XKR9: variants seen among roughly 807,000 people sequenced by gnomAD.
The protein encoded by XKR9 is XK related 9.
XKR9 carries 32 observed loss-of-function variants against 32.0 expected under a neutral mutation model. The ratio of observed to expected loss-of-function variants is 1.00; its 90% CI spans 0.76 to 1.34. XKR9 has a LOEUF of 1.34. Ranked by LOEUF, XKR9 falls within the 40% of genes most tolerant of loss-of-function variation. The pLI is 0.00. For synonymous variants in XKR9, 168 were observed against 143.4 expected (o/e 1.17, Z -1.22); for missense variants, 546 against 429.7 (o/e 1.27, Z -2.39).
At chr8:70,751,432 GAT>G (rs1406946863) in intron 2 of XKR9, among the ~76,000 whole-genome samples, 1 of 152,072 alleles carries the variant, frequency 6.6e-6, no homozygotes, top group Admixed American at 6.6e-5. Flanking sequence ...CCCGGCCTGT[GAT>G]AATTTTAGGT....
At chr8:70,684,327 A>C (rs1232440810) in intron 3 of XKR9, among the ~76,000 whole-genome samples, 1 of 152,156 alleles carries the variant, frequency 6.6e-6, no homozygotes, top group African/African-American at 2.4e-5. Flanking sequence ...ATAACTATTA[A>C]ATGTTAGATT....
chr8:70,798,851 T>C, the XKR9 span, among the ~76,000 whole-genome samples: 1 of 152,204 alleles, frequency 6.6e-6, no homozygotes, highest in African/African-American at 2.4e-5. Context: ...GAATATAAGA[T>C]GGTTGTTGAG....
At chr8:70,948,313 T>C in the XKR9 span, among the ~76,000 whole-genome samples, 1 of 152,242 alleles carries the variant, frequency 6.6e-6, no homozygotes, top group African/African-American at 2.4e-5. Flanking sequence ...AGCTTTGACT[T>C]ATTTCATGTG....
chr8:70,986,661 T>C, the XKR9 span, among the ~76,000 whole-genome samples: 2 of 152,218 alleles, frequency 1.3e-5, no homozygotes, highest in Non-Finnish European at 2.9e-5. Flanking sequence ...CAGAGGAACA[T>C]AGACCATGCA....
rs1818725603 is a variant in XKR9 at position 70,671,811 on chromosome 8, T to C, written c.-361+2273T>C. On this transcript the variant is annotated intron_variant, in intron 1 of 4. Coordinates refer to ENST00000408926, the MANE Select transcript of XKR9 (RefSeq NM_001011720.2). ...ATAAACATACGTGTGATTGTTTATC[T>C]AGAAAACCCCATCGTCTCAGCCCAA... 1.8e-5 allele frequency among the ~76,000 whole-genome samples: 2 copies of C among 113,636 alleles called. 1 individual carries two copies. Among genetic ancestry groups the C allele is most frequent in the African/African-American group, 5.7e-5 (2 of 35,110 alleles). 74.5% of individuals were successfully genotyped at this position (113,636 alleles called of 152,430 possible).
the XKR9 span, among the ~76,000 whole-genome samples, chr8:70,927,550 C>T: frequency 1.3e-5 from 2 of 152,120 alleles, no homozygotes; most frequent in African/African-American, 4.8e-5. Flanking sequence ...AAGATGGCGT[C>T]TTTTTGCAGT....
the XKR9 span, among the ~76,000 whole-genome samples, chr8:70,833,539 T>C: frequency 6.6e-6 from 1 of 152,164 alleles, no homozygotes; most frequent in East Asian, 1.9e-4. Context: ...AAATGTGATG[T>C]GCCTTGTAGA....
chr8:71,024,443 C>T, the XKR9 span, among the ~76,000 whole-genome samples: 3 of 152,094 alleles, frequency 2.0e-5, no homozygotes, highest in African/African-American at 7.2e-5. Context: ...GTCATTGGGG[C>T]TTCAAGGATA....
chr8:70,831,871 C>A, the XKR9 span, among the ~76,000 whole-genome samples: 8 of 152,166 alleles, frequency 5.3e-5, no homozygotes, highest in African/African-American at 1.9e-4. Context: ...GGAACCTATG[C>A]ATTTTCCTGC....
the XKR9 span, among the ~76,000 whole-genome samples, chr8:71,057,691 G>A: frequency 6.6e-6 from 1 of 152,146 alleles, no homozygotes; most frequent in African/African-American, 2.4e-5. Flanking sequence ...ATTGTTCCTG[G>A]AAATGGAATT....
At chr8:70,754,807 A>T (rs571755878) in intron 2 of XKR9, among the ~76,000 whole-genome samples, 90 of 152,100 alleles carry the variant, frequency 5.9e-4, no homozygotes, top group African/African-American at 1.9e-3. Context: ...AACCATAAAA[A>T]CCCTAGAAGA....
the XKR9 span, among the ~76,000 whole-genome samples, chr8:70,964,420 T>C: frequency 1.3e-5 from 2 of 152,318 alleles, no homozygotes; most frequent in African/African-American, 4.8e-5. Flanking sequence ...GCTTTGTTCT[T>C]TTTGCTTAGG....
the XKR9 span, among the ~76,000 whole-genome samples, chr8:70,963,110 C>T: frequency 6.6e-6 from 1 of 152,096 alleles, no homozygotes; most frequent in Non-Finnish European, 1.5e-5. Flanking sequence ...CCTTATGCTC[C>T]CCCTTCCCCC....
chr8:70,713,189 G>A (rs976840282), intron 4 of XKR9, among the ~76,000 whole-genome samples: 1 of 152,112 alleles, frequency 6.6e-6, no homozygotes, highest in Non-Finnish European at 1.5e-5. Flanking sequence ...GAATTAAATA[G>A]ACAATGAATG....
the XKR9 span, among the ~76,000 whole-genome samples, chr8:70,814,202 C>A: frequency 6.6e-6 from 1 of 151,956 alleles, no homozygotes; most frequent in Non-Finnish European, 1.5e-5. Flanking sequence ...GACAAAAAAC[C>A]AAACACCGCA....
the XKR9 span, among the ~76,000 whole-genome samples, chr8:70,929,877 C>A: frequency 6.6e-6 from 1 of 152,220 alleles, no homozygotes; most frequent in Non-Finnish European, 1.5e-5. Context: ...GGGGCTTTAA[C>A]TGCATCTGCA....
At chr8:70,885,236 C>G in the XKR9 span, among the ~76,000 whole-genome samples, 15 of 152,062 alleles carry the variant, frequency 9.9e-5, no homozygotes, top group African/African-American at 3.6e-4. Flanking sequence ...TTGTATGCTG[C>G]AAACTTGGTT....
chr8:71,065,259 G>C, the XKR9 span, among the ~76,000 whole-genome samples: 7 of 152,134 alleles, frequency 4.6e-5, no homozygotes, highest in Non-Finnish European at 1.0e-4. Flanking sequence ...AGGTAGTTAA[G>C]GTTAAGTGAG....
At chr8:70,799,328 A>G in the XKR9 span, among the ~76,000 whole-genome samples, 2 of 151,836 alleles carry the variant, frequency 1.3e-5, no homozygotes, top group Non-Finnish European at 2.9e-5. Flanking sequence ...ATGAGATTGC[A>G]TTTATTTATT....
Sources: allele counts gnomAD v4.1 joint callset (sites outside exome capture counted in the v4.1 genomes callset), GRCh38; gene constraint gnomAD v4.1.1; transcripts MANE v1.5; gene names NCBI Gene and HGNC (gene_info 2026-07-23, HGNC 2026-07-21).